Variants in PIK3CA observed in about 807,000 individuals in gnomAD.
The protein encoded by PIK3CA is phosphatidylinositol 4,5-bisphosphate 3-kinase catalytic subunit alpha isoform.
Under a neutral mutation model 138.2 loss-of-function variants are expected in PIK3CA, and 27 were observed. That is an observed-to-expected ratio of 0.20 (90% CI 0.14 to 0.27). The LOEUF (loss-of-function observed/expected upper bound fraction) is 0.27. PIK3CA is among the 10% of genes least tolerant of loss of function. PIK3CA has a pLI of 1.00. For synonymous variants in PIK3CA, 358 were observed against 413.2 expected (o/e 0.87, Z 1.62); for missense variants, 544 against 1,277.4 (o/e 0.43, Z 8.75).
rs1724357839 is a variant in PIK3CA, at chr3:179,199,636, G to A, written c.353-54G>A. ...AGTTCCCTGTTTGCAAAAAAAACAT[G>A]TTCATGCTGTGTATGTAATAGAATG... On this transcript the variant is annotated intron_variant, in intron 2 of 20. Coordinates refer to ENST00000263967, the MANE Select transcript of PIK3CA (RefSeq NM_006218.4). 4.7e-6 allele frequency: 6 copies of A among 1,277,210 alleles called. No individual in the cohort carries two copies. The South Asian group carries it at 7.7e-5, about 16-fold the overall frequency. The allele number at this position is 1,277,210 out of a possible 1,614,324, so 79.1% of individuals were successfully genotyped here.
At chr3:179,148,889 C>T (rs1258211226) in intron 1 of PIK3CA, among the ~76,000 whole-genome samples, 2 of 152,110 alleles carry the variant, frequency 1.3e-5, no homozygotes, top group Admixed American at 6.5e-5. Context: ...GACGGGGCGG[C>T]TGGAGGTTGA....
intron 17 of PIK3CA, among the ~76,000 whole-genome samples, chr3:179,229,046 C>T (rs1725152120): frequency 6.6e-6 from 1 of 151,988 alleles, no homozygotes; most frequent in South Asian, 2.1e-4. Context: ...GATAAAAATA[C>T]AGTGCTTTCT....
Position 179,199,681 on chromosome 3 carries a change from T to C in PIK3CA, c.353-9T>C. ...AGAATGTTATATTCTTTATGTAATTTTATTAAAGGTTTTGCTATCGGCATG... is the reference window on the plus strand; with the variant it reads ...AGAATGTTATATTCTTTATGTAATTCTATTAAAGGTTTTGCTATCGGCATG... On this transcript the variant is annotated splice_polypyrimidine_tract_variant and intron_variant, in intron 2 of 20. Transcript: ENST00000263967. 1 of 1,586,332 alleles carries C rather than the reference T, an allele frequency of 6.3e-7. No homozygotes were observed. The highest frequency in any genetic ancestry group is 8.7e-7 in the Non-Finnish European group (1 of 1,155,412).
rs756625625 is a variant in PIK3CA at position 179,235,483 on chromosome 3, T to C, written c.*1119T>C. On this transcript the variant is annotated 3_prime_UTR_variant, in exon 21 of 21. Coordinates refer to ENST00000263967, the MANE Select transcript of PIK3CA (RefSeq NM_006218.4). The stretch of plus-strand genomic sequence containing the variant: ...ATCCCATTTATACCAATAACCAGTG[T>C]ATAACTACTTAAGGAAAACATAAAA... 5.2e-6 allele frequency: 1 copy of C among 190,554 alleles called. No individual in the cohort carries two copies. The highest frequency in any genetic ancestry group is 6.2e-5 in the Admixed American group (1 of 16,248). The allele number at this position is 190,554 out of a possible 1,614,324, so 11.8% of individuals were successfully genotyped here.
At chr3:179,217,742 A>G (rs2108407339) in intron 9 of PIK3CA, among the ~76,000 whole-genome samples, 1 of 152,014 alleles carries the variant, frequency 6.6e-6, no homozygotes, top group South Asian at 2.1e-4. Context: ...ACTGGTTTTT[A>G]CTTTTTAAAT....
intron 3 of PIK3CA, among the ~76,000 whole-genome samples, chr3:179,200,817 C>T (rs1181696830): frequency 1.3e-5 from 2 of 152,152 alleles, no homozygotes; most frequent in Non-Finnish European, 2.9e-5. Flanking sequence ...TTAGACAATG[C>T]ATTTCCTCTC....
chr3:179,159,398 A>G (rs760240958), intron 1 of PIK3CA, among the ~76,000 whole-genome samples: 2 of 152,200 alleles, frequency 1.3e-5, no homozygotes, highest in Non-Finnish European at 2.9e-5. Context: ...CCCATGGAAG[A>G]AGTTTTCTTG....
intron 1 of PIK3CA, among the ~76,000 whole-genome samples, chr3:179,170,064 ACACG>A (rs1164109809): frequency 1.2e-4 from 6 of 49,700 alleles, no homozygotes; most frequent in Admixed American, 5.0e-4. Flanking sequence ...ATGCGCGTGC[ACACG>A]CGCGCGCGCA....
intron 1 of PIK3CA, among the ~76,000 whole-genome samples, chr3:179,169,962 A>G (rs1334206418): frequency 1.3e-5 from 2 of 152,194 alleles, no homozygotes; most frequent in African/African-American, 4.8e-5. Context: ...AGGTCATTTT[A>G]ATCTTAGGAA....
intron 1 of PIK3CA, among the ~76,000 whole-genome samples, chr3:179,158,237 A>G (rs189079280): frequency 1.3e-5 from 2 of 152,276 alleles, no homozygotes; most frequent in Non-Finnish European, 2.9e-5. Flanking sequence ...TTCTAGCTCT[A>G]GGAATCTGAA....
intron 1 of PIK3CA, among the ~76,000 whole-genome samples, chr3:179,173,483 G>A (rs1175907752): frequency 1.3e-5 from 2 of 151,286 alleles, no homozygotes; most frequent in African/African-American, 4.9e-5. Flanking sequence ...GGAGGCTGAG[G>A]CAGGGGAATG....
chr3:179,157,658 G>A (rs1251848639), intron 1 of PIK3CA, among the ~76,000 whole-genome samples: 2 of 151,944 alleles, frequency 1.3e-5, no homozygotes, highest in African/African-American at 4.8e-5. Context: ...TCAAAATTGA[G>A]GCACGTAATC....
chr3:179,228,009 T>C (rs1725122427), intron 17 of PIK3CA, among the ~76,000 whole-genome samples: 1 of 152,100 alleles, frequency 6.6e-6, no homozygotes, highest in African/African-American at 2.4e-5. Context: ...AAATAACTAG[T>C]AGGCAAGCTA....
chr3:179,198,109 T>TA (rs1724314080), intron 1 of PIK3CA, among the ~76,000 whole-genome samples: 1 of 152,206 alleles, frequency 6.6e-6, no homozygotes, highest in Non-Finnish European at 1.5e-5. Context: ...ATATTGTGAC[T>TA]ATATACCTAA....
chr3:179,157,531 T>G (rs1723168196), intron 1 of PIK3CA, among the ~76,000 whole-genome samples: 1 of 152,130 alleles, frequency 6.6e-6, no homozygotes. Flanking sequence ...AATCTACCAG[T>G]GTATAACTGC....
At chr3:179,179,562 C>T (rs897008079) in intron 1 of PIK3CA, among the ~76,000 whole-genome samples, 20 of 152,146 alleles carry the variant, frequency 1.3e-4, no homozygotes, top group African/African-American at 4.6e-4. Context: ...TATTATATAT[C>T]TTGTTTTGTG....
chr3:179,162,669 G>A (rs1560124238), intron 1 of PIK3CA, among the ~76,000 whole-genome samples: 2 of 151,890 alleles, frequency 1.3e-5, no homozygotes, highest in African/African-American at 4.8e-5. Context: ...TAGAAAACGG[G>A]AAAAAAACCC....
At chr3:179,207,409 T>C (rs1048626565) in intron 6 of PIK3CA, among the ~76,000 whole-genome samples, 1 of 152,166 alleles carries the variant, frequency 6.6e-6, no homozygotes, top group East Asian at 1.9e-4. Flanking sequence ...TTTGTTAGCA[T>C]AGGGCTGAAC....
intron 1 of PIK3CA, chr3:179,149,477 A>G (rs958285204): frequency 2.0e-5 from 3 of 152,172 alleles, no homozygotes; most frequent in African/African-American, 4.8e-5. Context: ...CTATTTTTTT[A>G]TGTCAATAAT....
Sources: gnomAD v4.1 joint callset for allele counts (sites outside exome capture counted in the v4.1 genomes callset) on GRCh38, gnomAD v4.1.1 for gene constraint, MANE v1.5 for transcripts, NCBI Gene and HGNC (gene_info 2026-07-23, HGNC 2026-07-21) for gene names.